PPARGC1A: variants seen among roughly 807,000 people sequenced by gnomAD.
PPARGC1A encodes PPARG coactivator 1 alpha, also known as peroxisome proliferator-activated receptor gamma coactivator 1-alpha.
Under a neutral mutation model 88.7 loss-of-function variants are expected in PPARGC1A, and 25 were observed. That is an observed-to-expected ratio of 0.28 (90% confidence interval 0.21 to 0.39). The LOEUF (loss-of-function observed/expected upper bound fraction) is 0.39, where lower values mean the gene tolerates loss of function less well. Ranked by LOEUF, PPARGC1A falls within the 10% of genes least tolerant of loss-of-function variation. The pLI, the probability that PPARGC1A is intolerant of heterozygous loss-of-function variation, is 1.00. For synonymous variants in PPARGC1A, 363 were observed against 355.6 expected (o/e 1.02, Z -0.24); for missense variants, 880 against 968.7 (o/e 0.91, Z 1.22).
the PPARGC1A span, among the ~76,000 whole-genome samples, chr4:24,041,560 T>A: frequency 6.6e-6 from 1 of 152,200 alleles, no homozygotes; most frequent in African/African-American, 2.4e-5. Context: ...ATCTGCTACC[T>A]GCCAGAATCC....
At chr4:24,440,002 T>G in the PPARGC1A span, among the ~76,000 whole-genome samples, 2 of 152,240 alleles carry the variant, frequency 1.3e-5, no homozygotes, top group Non-Finnish European at 2.9e-5. Flanking sequence ...TGGAGAATCT[T>G]CCTAATCTTT....
At chr4:24,279,437 G>A in the PPARGC1A span, among the ~76,000 whole-genome samples, 1 of 152,184 alleles carries the variant, frequency 6.6e-6, no homozygotes, top group Non-Finnish European at 1.5e-5. Flanking sequence ...GAACATGGGA[G>A]TGTTCAGGAT....
chr4:24,000,714 C>T, the PPARGC1A span, among the ~76,000 whole-genome samples: 2 of 152,080 alleles, frequency 1.3e-5, no homozygotes, highest in Non-Finnish European at 2.9e-5. Context: ...TAAGTGCATC[C>T]ACGATTTGAT....
intron 4 of PPARGC1A, among the ~76,000 whole-genome samples, chr4:23,829,081 T>G (rs1363104628): frequency 1.3e-5 from 2 of 152,228 alleles, no homozygotes; most frequent in Non-Finnish European, 2.9e-5. Flanking sequence ...AGATGTTTTG[T>G]GGTGATTCCA....
At chr4:24,401,206 G>C in the PPARGC1A span, among the ~76,000 whole-genome samples, 1 of 151,674 alleles carries the variant, frequency 6.6e-6, no homozygotes, top group African/African-American at 2.4e-5. Context: ...TTTTAGTAGA[G>C]ACAGGGTTTC....
At chr4:24,194,638 A>G in the PPARGC1A span, among the ~76,000 whole-genome samples, 12 of 20,182 alleles carry the variant, frequency 5.9e-4, no homozygotes, top group African/African-American at 1.2e-3. Context: ...GCGCACACAC[A>G]CACACACACA....
At chr4:24,174,395 G>T in the PPARGC1A span, among the ~76,000 whole-genome samples, 4 of 152,178 alleles carry the variant, frequency 2.6e-5, no homozygotes, top group African/African-American at 7.2e-5. Flanking sequence ...CAGTTAAGAG[G>T]CCTGATAATC....
chr4:24,074,195 A>G, the PPARGC1A span, among the ~76,000 whole-genome samples: 1 of 152,306 alleles, frequency 6.6e-6, no homozygotes, highest in East Asian at 1.9e-4. Flanking sequence ...GCAGCCAGAA[A>G]GACGAGAGAA....
At chr4:24,169,169 T>C in the PPARGC1A span, among the ~76,000 whole-genome samples, 2 of 152,010 alleles carry the variant, frequency 1.3e-5, no homozygotes, top group Admixed American at 6.6e-5. Flanking sequence ...CATCTAATCA[T>C]GAAAAAAACA....
At chr4:24,333,940 CAAA>C in the PPARGC1A span, among the ~76,000 whole-genome samples, 1 of 13,830 alleles carries the variant, frequency 7.2e-5, no homozygotes, top group Non-Finnish European at 1.5e-4. Flanking sequence ...ACAACAACAA[CAAA>C]AAAAAAAAAA....
At chr4:24,357,849 A>G in the PPARGC1A span, among the ~76,000 whole-genome samples, 1 of 152,292 alleles carries the variant, frequency 6.6e-6, no homozygotes, top group East Asian at 1.9e-4. Flanking sequence ...GTCTTCCACC[A>G]TGACTGTGAA....
At chr4:24,064,793 C>T in the PPARGC1A span, among the ~76,000 whole-genome samples, 1 of 152,064 alleles carries the variant, frequency 6.6e-6, no homozygotes, top group African/African-American at 2.4e-5. Context: ...CCAATATGTG[C>T]ATCTTACTAG....
At chr4:24,020,619 C>T in the PPARGC1A span, among the ~76,000 whole-genome samples, 41 of 152,182 alleles carry the variant, frequency 2.7e-4, no homozygotes, top group South Asian at 4.8e-3. Flanking sequence ...CCAAAGAGAT[C>T]GGGATGTGAG....
chr4:24,168,858 A>G, the PPARGC1A span, among the ~76,000 whole-genome samples: 1 of 152,260 alleles, frequency 6.6e-6, no homozygotes, highest in African/African-American at 2.4e-5. Context: ...CAAATTGCCC[A>G]TTCAGCAAAA....
chr4:24,282,040 A>G, the PPARGC1A span, among the ~76,000 whole-genome samples: 1 of 151,994 alleles, frequency 6.6e-6, no homozygotes, highest in Non-Finnish European at 1.5e-5. Context: ...TTGCTATTAT[A>G]GGATGTTTAT....
the PPARGC1A span, among the ~76,000 whole-genome samples, chr4:24,135,015 C>T: frequency 9.2e-5 from 14 of 152,332 alleles, no homozygotes; most frequent in East Asian, 3.9e-4. Flanking sequence ...AGGGCTAGCT[C>T]GGAAGTACTG....
At chr4:23,859,757 G>GGA (rs1730878339) in intron 2 of PPARGC1A, among the ~76,000 whole-genome samples, 1 of 149,750 alleles carries the variant, frequency 6.7e-6, no homozygotes, top group Admixed American at 6.7e-5. Context: ...CTCCAGCCTG[G>GGA]GAGAGAGTGC....
chr4:24,351,158 G>A, the PPARGC1A span, among the ~76,000 whole-genome samples: 2 of 151,824 alleles, frequency 1.3e-5, no homozygotes, highest in East Asian at 1.9e-4. Context: ...TTGAGCCCAG[G>A]AGCCAAAGGT....
Position 23,896,615 on chromosome 4 carries a change from C to T in PPARGC1A, n.52+2652G>A, listed in dbSNP as rs184509955. On this transcript the variant is annotated intron_variant and non_coding_transcript_variant, in intron 1 of 3. Transcript: ENST00000507342. ...CAGAGGTAGACCCAAAACCACTAAC[C>T]CCCAGACATGACTACCATCTTCCCT... Among the ~76,000 whole-genome samples, 10 of 152,212 alleles carry T rather than the reference C, an allele frequency of 6.6e-5. No homozygotes were observed. The South Asian group carries it at 1.2e-3, about 19-fold the overall frequency.
Sources: allele counts gnomAD v4.1 joint callset (sites outside exome capture counted in the v4.1 genomes callset), GRCh38; gene constraint gnomAD v4.1.1; transcripts MANE v1.5; gene names NCBI Gene and HGNC (gene_info 2026-07-23, HGNC 2026-07-21).